The following CAPN8 variants were observed in gnomAD, a reference collection of about 807,000 sequenced individuals.
The protein encoded by CAPN8 is calpain 8.
CAPN8 carries 87 observed loss-of-function variants against 80.9 expected under a neutral mutation model. The ratio of observed to expected loss-of-function variants is 1.07; its 90% CI spans 0.90 to 1.28. The LOEUF (loss-of-function observed/expected upper bound fraction) is 1.28, where lower values mean the gene tolerates loss of function less well. CAPN8 is among the 50% of genes most tolerant of loss of function. CAPN8 has a pLI of 0.00. For synonymous variants in CAPN8, 299 were observed against 273.8 expected, an observed-to-expected ratio of 1.09 and a Z score of -0.91; for missense variants, 757 against 702.0, an observed-to-expected ratio of 1.08 and a Z score of -0.89.
intron 2 of CAPN8, among the ~76,000 whole-genome samples, chr1:223,637,244 G>C (rs61825220): frequency 0.82 from 125,072 of 152,148 alleles, 52,018 homozygotes; most frequent in African/African-American, 0.95. Context: ...CTGGCAGACA[G>C]CAGCTTGACT....
chr1:223,627,879 T>C, intron 4 of CAPN8, 130 bp downstream of exon 4: 1 of 1,086,486 alleles, frequency 9.2e-7, no homozygotes, highest in South Asian at 1.8e-5. Flanking sequence ...CTCCGGCTCA[T>C]GGGGGTCTGG....
intron 2 of CAPN8, among the ~76,000 whole-genome samples, chr1:223,634,658 T>C (rs1657864620): frequency 6.6e-6 from 1 of 152,190 alleles, no homozygotes; most frequent in Non-Finnish European, 1.5e-5. Flanking sequence ...CCCACTTCCT[T>C]GTTCATAAAT....
intron 2 of CAPN8, among the ~76,000 whole-genome samples, chr1:223,640,877 T>C (rs953085218): frequency 1.3e-5 from 2 of 152,282 alleles, no homozygotes; most frequent in East Asian, 1.9e-4. Flanking sequence ...GCAGATACAA[T>C]GCAAGGTGGT....
At chr1:223,634,038 G>C (rs1657847480) in intron 2 of CAPN8, among the ~76,000 whole-genome samples, 1 of 152,210 alleles carries the variant, frequency 6.6e-6, no homozygotes, top group Non-Finnish European at 1.5e-5. Context: ...CAGGGAACAT[G>C]TATGCCCTGC....
intron 2 of CAPN8, among the ~76,000 whole-genome samples, chr1:223,635,567 C>G (rs1206223092): frequency 6.6e-6 from 1 of 152,030 alleles, no homozygotes; most frequent in Non-Finnish European, 1.5e-5. Flanking sequence ...CTGAATTCAC[C>G]TCAGTGTAAT....
chr1:223,627,225 G>A lies in CAPN8; in HGVS notation c.561-68C>T, dbSNP rs74145942. On this transcript the variant is annotated intron_variant, in intron 4 of 20. Transcript: ENST00000366872. ...CAAGGAGACCCGGGGATTGGGGACC[G>A]GGACAGTGCTAGGACATACTGTGGC... 4.7e-4 allele frequency: 699 copies of A among 1,498,540 alleles called. 4 individuals are homozygous for A. In the African/African-American group the frequency reaches 8.0e-3, roughly 17 times the overall value. The allele number at this position is 1,498,540 out of a possible 1,614,324, so 92.8% of individuals were successfully genotyped here.
chr1:223,657,127 G>A (rs542516193), intron 1 of CAPN8, among the ~76,000 whole-genome samples: 3 of 152,186 alleles, frequency 2.0e-5, no homozygotes, highest in Non-Finnish European at 2.9e-5. Context: ...GTTCTCTAGT[G>A]ATGGACCTTT....
intron 7 of CAPN8, 125 bp from the exon 8 acceptor site, chr1:223,620,391 A>G: frequency 1.3e-6 from 1 of 794,440 alleles, no homozygotes; most frequent in East Asian, 2.7e-5. Context: ...GCAGGCAGAC[A>G]GAAAGGCAGA....
At chr1:223,545,511 G>A (rs1656597888) in intron 16 of CAPN8, 1 of 718,608 alleles carries the variant, frequency 1.4e-6, no homozygotes, top group Non-Finnish European at 2.2e-6. Context: ...GCCAGGCACA[G>A]AGCTAGGAAC....
chr1:223,622,607 G>T, intron 7 of CAPN8: 1 of 561,086 alleles, frequency 1.8e-6, no homozygotes, highest in Non-Finnish European at 3.1e-6. Context: ...AAAGCAGAAA[G>T]CCAGAATCGA....
chr1:223,625,681 A>G lies in CAPN8; in HGVS notation c.813+124T>C, dbSNP rs1657551791. 5 of 732,544 alleles carry G rather than the reference A, an allele frequency of 6.8e-6. No homozygotes were observed. The Admixed American group carries it at 8.4e-5, about 12-fold the overall frequency. 45.4% of individuals were successfully genotyped at this position (732,544 alleles called of 1,614,324 possible). On this transcript the variant is annotated intron_variant, in intron 6 of 20. Coordinates refer to ENST00000366872, the MANE Select transcript of CAPN8 (RefSeq NM_001143962.2). ...CAGGCAGAGTGCATCCCAATATGGC[A>G]GTGAAGCTCAAAAGCCAATTCCGAA...
At chr1:223,545,926 C>A (rs2102687026) in intron 16 of CAPN8, among the ~76,000 whole-genome samples, 1 of 146,112 alleles carries the variant, frequency 6.8e-6, no homozygotes, top group Admixed American at 7.0e-5. Context: ...AGGGTTCAAG[C>A]AATTCTCCAT....
intron 2 of CAPN8, among the ~76,000 whole-genome samples, chr1:223,648,949 A>T (rs934962741): frequency 1.3e-5 from 2 of 152,152 alleles, no homozygotes; most frequent in African/African-American, 4.8e-5. Flanking sequence ...AGCTCATCTC[A>T]CTCATGAATC....
At chr1:223,625,266 C>T (rs1471070019) in intron 6 of CAPN8, among the ~76,000 whole-genome samples, 1 of 152,080 alleles carries the variant, frequency 6.6e-6, no homozygotes, top group Non-Finnish European at 1.5e-5. Flanking sequence ...CACTGTTTTG[C>T]CCACACAAAC....
chr1:223,625,937 G>A, intron 5 of CAPN8, 49 bp from the exon 6 acceptor site: 1 of 1,460,060 alleles, frequency 6.8e-7, no homozygotes, highest in Non-Finnish European at 9.4e-7. Context: ...ACCTCTCAGG[G>A]GCCGGCCGTA....
intron 16 of CAPN8, 70 bp downstream of exon 16, chr1:223,549,248 A>G: frequency 6.6e-7 from 1 of 1,525,496 alleles, no homozygotes. Flanking sequence ...TCTAACTGGA[A>G]AAGGTGGAGG....
intron 2 of CAPN8, among the ~76,000 whole-genome samples, chr1:223,634,778 A>C (rs1657869824): frequency 6.6e-6 from 1 of 152,172 alleles, no homozygotes; most frequent in Non-Finnish European, 1.5e-5. Context: ...CTCATGACCT[A>C]ATCACCTCCC....
intron 2 of CAPN8, among the ~76,000 whole-genome samples, chr1:223,630,411 A>G (rs1657741705): frequency 6.6e-6 from 1 of 151,960 alleles, no homozygotes; most frequent in South Asian, 2.1e-4. Context: ...ATCATGGCTC[A>G]CTGCAGCCCC....
chr1:223,637,147 G>A (rs927548096), intron 2 of CAPN8, among the ~76,000 whole-genome samples: 8 of 152,156 alleles, frequency 5.3e-5, no homozygotes, highest in Non-Finnish European at 1.2e-4. Flanking sequence ...CCTCCCACAA[G>A]CCATATAATT....
Sources: allele counts gnomAD v4.1 joint callset (sites outside exome capture counted in the v4.1 genomes callset), GRCh38; gene constraint gnomAD v4.1.1; transcripts MANE v1.5; gene names NCBI Gene and HGNC (gene_info 2026-07-23, HGNC 2026-07-21).